Variants in LDLRAD4 observed in about 807,000 individuals in gnomAD.
The protein encoded by LDLRAD4 is low density lipoprotein receptor class A domain containing 4.
In LDLRAD4, 5 loss-of-function variants were observed where a neutral mutation model predicts 17.0. The observed-to-expected ratio is 0.29, with a 90% CI of 0.15 to 0.62. The LOEUF is 0.62. LDLRAD4 is among the 20% of genes least tolerant of loss of function. LDLRAD4 has a pLI of 0.84. For missense variants in LDLRAD4, 340 were observed against 424.7 expected, an observed-to-expected ratio of 0.80 and a Z score of 1.75; for synonymous variants, 168 against 171.8, an observed-to-expected ratio of 0.98 and a Z score of 0.17.
chr18:13,377,756 G>A (rs957664142), intron 1 of LDLRAD4, among the ~76,000 whole-genome samples: 10 of 152,182 alleles, frequency 6.6e-5, no homozygotes, highest in African/African-American at 1.2e-4. Flanking sequence ...CTTCGCGAGC[G>A]TGACCCGCCA....
intron 3 of LDLRAD4, among the ~76,000 whole-genome samples, chr18:13,545,118 T>C (rs2094342599): frequency 6.6e-6 from 1 of 151,992 alleles, no homozygotes; most frequent in Non-Finnish European, 1.5e-5. Flanking sequence ...GGGGTGGTGT[T>C]AGTGGCCTCC....
intron 3 of LDLRAD4, among the ~76,000 whole-genome samples, chr18:13,556,720 G>C (rs2094487938): frequency 6.6e-6 from 1 of 152,156 alleles, no homozygotes; most frequent in Non-Finnish European, 1.5e-5. Flanking sequence ...GTTTGGAAAA[G>C]GCCATGATGG....
chr18:13,381,793 C>T (rs1370085272), intron 1 of LDLRAD4, among the ~76,000 whole-genome samples: 3 of 152,202 alleles, frequency 2.0e-5, no homozygotes, highest in African/African-American at 7.2e-5. Context: ...CATGACAAGC[C>T]CTTTGCCTCT....
chr18:13,245,479 C>A lies in LDLRAD4; in HGVS notation c.-467+26491C>A, dbSNP rs189179658. 3.4e-3 allele frequency among the ~76,000 whole-genome samples: 525 copies of A among 152,332 alleles called. 5 individuals are homozygous for A. The highest frequency in any genetic ancestry group is 0.011 in the African/African-American group (445 of 41,568). ...TATGGGGCATTGGCATTATTAGCAT[C>A]ATCACTTTTCATATGTGAAACCGAG... is the stretch of plus-strand genomic sequence containing the variant. On this transcript the variant is annotated intron_variant, in intron 1 of 5. Transcript: ENST00000399848.
At position 13,465,907 on chromosome 18, in the gene LDLRAD4, A is replaced by G. The variant is rs148597562; in HGVS notation, c.181+27523A>G. ...TCATACTCTCTCCCCCTTTTTTGCC[A>G]TATTATTTTCCTTATCACTAACTAT... is the stretch of plus-strand genomic sequence containing the variant. On this transcript the variant is annotated intron_variant, in intron 3 of 5. Transcript: ENST00000359446. 9.6e-3 allele frequency among the ~76,000 whole-genome samples: 1,463 copies of G among 152,046 alleles called. 25 individuals carry two copies. Among genetic ancestry groups the G allele is most frequent in the African/African-American group, 0.033 (1,364 of 41,444 alleles).
At chr18:13,337,433 A>G (rs1244856769) in intron 1 of LDLRAD4, among the ~76,000 whole-genome samples, 1 of 152,202 alleles carries the variant, frequency 6.6e-6, no homozygotes, top group African/African-American at 2.4e-5. Flanking sequence ...AATGGAGTTC[A>G]AAAATTCCAC....
At chr18:13,418,920 AT>A (rs1410403268) in intron 2 of LDLRAD4, among the ~76,000 whole-genome samples, 1 of 152,138 alleles carries the variant, frequency 6.6e-6, no homozygotes, top group African/African-American at 2.4e-5. Context: ...GGAAATAGAG[AT>A]TTTATATAAA....
chr18:13,243,268 C>T (rs2042759690), intron 1 of LDLRAD4, among the ~76,000 whole-genome samples: 1 of 152,348 alleles, frequency 6.6e-6, no homozygotes, highest in South Asian at 2.1e-4. Flanking sequence ...GCCTCTTCCA[C>T]TTCCAGCTCT....
chr18:13,493,634 T>C (rs1001996906), intron 3 of LDLRAD4, among the ~76,000 whole-genome samples: 6 of 152,220 alleles, frequency 3.9e-5, no homozygotes, highest in African/African-American at 1.4e-4. Context: ...CATTAAGGCA[T>C]AGGACACCGT....
intron 3 of LDLRAD4, among the ~76,000 whole-genome samples, chr18:13,566,396 C>A (rs2094602632): frequency 6.7e-6 from 1 of 148,218 alleles, no homozygotes; most frequent in African/African-American, 2.5e-5. Context: ...CAGAGTCTCG[C>A]TCTGTTGCCA....
intron 1 of LDLRAD4, among the ~76,000 whole-genome samples, chr18:13,266,394 A>T (rs909302092): frequency 6.6e-6 from 1 of 152,034 alleles, no homozygotes; most frequent in Non-Finnish European, 1.5e-5. Flanking sequence ...CCGTGGCCAG[A>T]TGTGGGCAGG....
intron 3 of LDLRAD4, among the ~76,000 whole-genome samples, chr18:13,598,874 G>GA (rs1391177108): frequency 2.0e-5 from 3 of 152,230 alleles, no homozygotes; most frequent in Non-Finnish European, 4.4e-5. Context: ...AGGATGGGCA[G>GA]GACACTGGGT....
At position 13,367,556 on chromosome 18, in the gene LDLRAD4, G is replaced by A. The variant is rs977357658; in HGVS notation, c.-382-19785G>A. The stretch of plus-strand genomic sequence containing the variant: ...CAGGGCCCGGGTGCTGCAGCAAGGC[G>A]GCTGTGGCAGTGCCAAGCGAGTGGA... On this transcript the variant is annotated intron_variant, in intron 1 of 5. Transcript: ENST00000359446. This position sits in a 1 kb window ranked among gnomAD's most constrained non-coding sequence, Gnocchi z 4.1. Among the ~76,000 whole-genome samples the A allele has an allele frequency of 1.1e-4, 16 of 152,326 alleles. No individual in the cohort carries two copies. Among genetic ancestry groups the A allele is most frequent in the African/African-American group, 3.8e-4 (16 of 41,576 alleles).
intron 1 of LDLRAD4, among the ~76,000 whole-genome samples, chr18:13,323,002 C>T (rs530625751): frequency 2.6e-5 from 4 of 152,182 alleles, no homozygotes; most frequent in Non-Finnish European, 4.4e-5. Context: ...AACGCTTTGA[C>T]TCAATTTTCT....
chr18:13,417,728 C>A lies in LDLRAD4; in HGVS notation c.41-20516C>A, dbSNP rs1293537371. On this transcript the variant is annotated intron_variant, in intron 2 of 5. Transcript: ENST00000359446. ...GGATTACAGGCGTGAGCCACCACGC[C>A]CAGCCAGTTTGCTGTTTTTCAAACT... 9.2e-5 allele frequency among the ~76,000 whole-genome samples: 14 copies of A among 152,278 alleles called. No individual in the cohort carries two copies. The South Asian group carries it at 2.9e-3, about 32-fold the overall frequency.
At chr18:13,630,504 C>T (rs1180526818) in intron 4 of LDLRAD4, among the ~76,000 whole-genome samples, 1 of 152,208 alleles carries the variant, frequency 6.6e-6, no homozygotes, top group Non-Finnish European at 1.5e-5. Flanking sequence ...TTGAAATTCT[C>T]ACTGTGGAAC....
chr18:13,366,542 T>C (rs942366091), intron 1 of LDLRAD4, among the ~76,000 whole-genome samples: 7 of 152,216 alleles, frequency 4.6e-5, no homozygotes, highest in African/African-American at 9.6e-5. Context: ...GTGGGAGATA[T>C]ACTCTTGGAG....
intron 1 of LDLRAD4, among the ~76,000 whole-genome samples, chr18:13,326,478 G>A (rs2085049): frequency 0.47 from 71,662 of 152,152 alleles, 20,196 homozygotes; most frequent in Non-Finnish European, 0.63. Flanking sequence ...CCTGGGAAGC[G>A]AAGCTTGTAA....
At position 13,538,469 on chromosome 18, in the gene LDLRAD4, A is replaced by G. The variant is rs572712194; in HGVS notation, c.182-82648A>G. Among the ~76,000 whole-genome samples, 6 of 152,194 alleles carry G rather than the reference A, an allele frequency of 3.9e-5. No individual in the cohort carries two copies. In the South Asian group the frequency reaches 1.2e-3, roughly 32 times the overall value. Reference sequence around the variant, plus strand: ...GAGTATAAATGAGAGAAAAAAATGCAGCTTTCCATTCACATATTTCTTGGA... The same window carrying G: ...GAGTATAAATGAGAGAAAAAAATGCGGCTTTCCATTCACATATTTCTTGGA... On this transcript the variant is annotated intron_variant, in intron 3 of 5. Coordinates refer to ENST00000359446, the Ensembl canonical transcript of LDLRAD4.
Sources: gnomAD v4.1 joint callset for allele counts (sites outside exome capture counted in the v4.1 genomes callset) on GRCh38, gnomAD v4.1.1 for gene constraint, Gnocchi (gnomAD v3.1) non-coding constraint, MANE v1.5 for transcripts, NCBI Gene and HGNC (gene_info 2026-07-23, HGNC 2026-07-21) for gene names.